The following CHRNA7 variants were observed in gnomAD, a reference collection of about 807,000 sequenced individuals.
CHRNA7 encodes neuronal acetylcholine receptor subunit alpha-7.
CHRNA7 carries 17 observed loss-of-function variants against 48.0 expected under a neutral mutation model. The ratio of observed to expected loss-of-function variants is 0.35; its 90% CI spans 0.24 to 0.53. The LOEUF is 0.53. Ranked by LOEUF, CHRNA7 falls within the 20% of genes least tolerant of loss-of-function variation. The pLI, the probability that CHRNA7 is intolerant of heterozygous loss-of-function variation, is 0.92. For synonymous variants in CHRNA7, 75 were observed against 242.3 expected (o/e 0.31, Z 6.41); for missense variants, 155 against 577.7 (o/e 0.27, Z 7.50).
At chr15:32,067,662 T>A (rs964912507) in intron 2 of CHRNA7, among the ~76,000 whole-genome samples, 1 of 152,212 alleles carries the variant, frequency 6.6e-6, no homozygotes, top group African/African-American at 2.4e-5. Context: ...CCTCTCTGAT[T>A]TGAGATGCAA....
At chr15:32,115,302 G>A (rs756426867) in intron 4 of CHRNA7, among the ~76,000 whole-genome samples, 2 of 152,166 alleles carry the variant, frequency 1.3e-5, no homozygotes, top group South Asian at 2.1e-4. Flanking sequence ...CAGAAGAGGC[G>A]TGCATTGTGA....
At chr15:32,057,298 C>T (rs1457877036) in intron 2 of CHRNA7, among the ~76,000 whole-genome samples, 1 of 152,154 alleles carries the variant, frequency 6.6e-6, no homozygotes, top group Non-Finnish European at 1.5e-5. Flanking sequence ...AAATCAGGAT[C>T]TGATGATGAA....
chr15:32,087,000 G>T (rs2141240608), intron 2 of CHRNA7, among the ~76,000 whole-genome samples: 1 of 152,144 alleles, frequency 6.6e-6, no homozygotes, highest in Non-Finnish European at 1.5e-5. Context: ...TGTACTCTTT[G>T]GAAGGAAGTC....
Position 32,030,539 on chromosome 15 carries a change from C to A in CHRNA7, c.-56C>A, listed in dbSNP as rs912290984. The A allele has an allele frequency of 4.3e-6, 6 of 1,405,516 alleles. No homozygotes were observed. Among genetic ancestry groups the A allele is most frequent in the Non-Finnish European group, 5.5e-6 (6 of 1,085,282 alleles). The allele number at this position is 1,405,516 out of a possible 1,614,324, so 87.1% of individuals were successfully genotyped here. On this transcript the variant is annotated 5_prime_UTR_variant, in exon 1 of 10. Transcript: ENST00000306901. The stretch of plus-strand genomic sequence containing the variant: ...TGCCTCTGTGGCCGCAGGCGCAGGC[C>A]CGGGCGACAGCCGAGACGTGGAGCG...
intron 2 of CHRNA7, among the ~76,000 whole-genome samples, chr15:32,069,716 C>T (rs187555972): frequency 4.3e-4 from 65 of 152,238 alleles, no homozygotes; most frequent in Middle Eastern, 3.4e-3. Flanking sequence ...TTTTATCATA[C>T]ATTAATTATG....
intron 4 of CHRNA7, among the ~76,000 whole-genome samples, chr15:32,114,039 T>TGTATATATATATATACACAC (rs55742631): frequency 5.5e-5 from 4 of 72,978 alleles, no homozygotes; most frequent in Non-Finnish European, 5.0e-5. Flanking sequence ...TATATATATA[T>TGTATATATATATATACACAC]ATATGTATAT....
chr15:32,124,096 A>G (rs1263845569), intron 4 of CHRNA7, among the ~76,000 whole-genome samples: 1 of 151,946 alleles, frequency 6.6e-6, no homozygotes, highest in African/African-American at 2.4e-5. Flanking sequence ...ACCAAAACAG[A>G]CTCCTAGATG....
chr15:32,150,124 T>C (rs1047862763), intron 4 of CHRNA7, among the ~76,000 whole-genome samples: 1 of 152,180 alleles, frequency 6.6e-6, no homozygotes, highest in African/African-American at 2.4e-5. Context: ...CAAACATAGC[T>C]CACTGCAGCC....
chr15:32,059,944 CAAAAAAAAAAAAAAAA>C lies in CHRNA7; in HGVS notation c.195+28922_195+28937del, dbSNP rs34200550. ...ATCTCTGAAACGCCAAGTAGAAAAG[CAAAAAAAAAAAAAAAA>C]AAAAAAAAAAAAAAGTGTTTTCATG... On this transcript the variant is annotated intron_variant, in intron 2 of 9. Transcript: ENST00000306901. 1.8e-4 allele frequency among the ~76,000 whole-genome samples: 6 copies of C among 33,050 alleles called. No homozygotes were observed. In the East Asian group the frequency reaches 6.6e-3, roughly 36 times the overall value. The allele number at this position is 33,050 out of a possible 152,430, so 21.7% of individuals were successfully genotyped here.
At chr15:32,033,587 C>T (rs747229306) in intron 2 of CHRNA7, among the ~76,000 whole-genome samples, 2 of 152,162 alleles carry the variant, frequency 1.3e-5, no homozygotes, top group Admixed American at 6.5e-5. Context: ...TGGATGAAGC[C>T]GAAGTCTCTA....
intron 2 of CHRNA7, among the ~76,000 whole-genome samples, chr15:32,086,502 C>G (rs1194444779): frequency 6.6e-6 from 1 of 152,080 alleles, no homozygotes; most frequent in Non-Finnish European, 1.5e-5. Flanking sequence ...TGAGTATCCT[C>G]TTGCATCAGT....
chr15:32,130,583 T>C (rs2051138274), intron 4 of CHRNA7, among the ~76,000 whole-genome samples: 2 of 150,852 alleles, frequency 1.3e-5, no homozygotes, highest in East Asian at 1.9e-4. Context: ...TTCCTGCCTA[T>C]GATGTACTTA....
At chr15:32,121,805 G>T (rs1292086112) in intron 4 of CHRNA7, among the ~76,000 whole-genome samples, 1 of 152,188 alleles carries the variant, frequency 6.6e-6, no homozygotes, top group Admixed American at 6.5e-5. Flanking sequence ...TTAGCGGGGA[G>T]GGGGAGAGAT....
At chr15:32,048,565 T>C (rs941744068) in intron 2 of CHRNA7, among the ~76,000 whole-genome samples, 2 of 152,140 alleles carry the variant, frequency 1.3e-5, no homozygotes, top group Non-Finnish European at 2.9e-5. Flanking sequence ...TCTCTTTTTT[T>C]CTTTATTAGT....
chr15:32,039,007 A>G (rs940563903), intron 2 of CHRNA7, among the ~76,000 whole-genome samples: 1 of 152,140 alleles, frequency 6.6e-6, no homozygotes, highest in African/African-American at 2.4e-5. Context: ...TTTGTCTTTC[A>G]AGGAGTAGTC....
At chr15:32,040,606 A>G (rs28863339) in intron 2 of CHRNA7, among the ~76,000 whole-genome samples, 1,335 of 37,718 alleles carry the variant, frequency 0.035, 23 homozygotes, top group African/African-American at 0.049. Context: ...ATATGTGTGT[A>G]TGTGTGTGTG....
intron 4 of CHRNA7, among the ~76,000 whole-genome samples, chr15:32,135,759 C>T (rs1295702255): frequency 6.6e-6 from 1 of 151,922 alleles, no homozygotes; most frequent in Admixed American, 6.6e-5. Context: ...GGAAATGAGC[C>T]CAAGACATAT....
rs77132341 is a variant in CHRNA7, at chr15:32,039,130, T to A, written c.195+8093T>A. Among the ~76,000 whole-genome samples the A allele has an allele frequency of 8.5e-3, 1,301 of 152,272 alleles. 22 individuals carry two copies. Among genetic ancestry groups the A allele is most frequent in the African/African-American group, 0.03 (1,240 of 41,552 alleles). ...GATGTCTTCTACTTCTGATATTAGT[T>A]ATTTTTGTCCTTTCTCATTTTTTTC... is the stretch of plus-strand genomic sequence containing the variant. On this transcript the variant is annotated intron_variant, in intron 2 of 9. Coordinates refer to ENST00000306901, the MANE Select transcript of CHRNA7 (RefSeq NM_000746.6).
chr15:32,070,749 C>T lies in CHRNA7; in HGVS notation c.196-30554C>T, dbSNP rs188462991. 6.3e-3 allele frequency among the ~76,000 whole-genome samples: 773 copies of T among 122,230 alleles called. 11 individuals carry two copies. The highest frequency in any genetic ancestry group is 0.023 in the African/African-American group (734 of 32,166). The allele number at this position is 122,230 out of a possible 152,430, so 80.2% of individuals were successfully genotyped here. A position where few individuals can be genotyped will look rare whatever the true frequency, so the allele number is the denominator to read the frequency against. On this transcript the variant is annotated intron_variant, in intron 2 of 9. Coordinates refer to ENST00000306901, the MANE Select transcript of CHRNA7 (RefSeq NM_000746.6). ...TCGCCCAGGCTGGAGTGCAGTGGCACGATCTTGGCTCACTGCAAACTCTGC... is the reference window on the plus strand; with the variant it reads ...TCGCCCAGGCTGGAGTGCAGTGGCATGATCTTGGCTCACTGCAAACTCTGC...
Sources: gnomAD v4.1 joint callset for allele counts (sites outside exome capture counted in the v4.1 genomes callset) on GRCh38, gnomAD v4.1.1 for gene constraint, MANE v1.5 for transcripts, NCBI Gene and HGNC (gene_info 2026-07-23, HGNC 2026-07-21) for gene names.